The following C3 variants were observed in gnomAD, a reference collection of about 807,000 sequenced individuals.
C3 encodes C3 and PZP-like alpha-2-macroglobulin domain-containing protein 1.
A neutral mutation model predicts 207.9 loss-of-function variants in C3; 97 were observed. That is an observed-to-expected ratio of 0.47 (90% CI 0.40 to 0.55). C3 has a LOEUF of 0.55. C3 is among the 20% of genes least tolerant of loss of function. The probability of loss-of-function intolerance (pLI) is 0.00; values close to 1 mark genes in which losing one functional copy is unlikely to be tolerated. For synonymous variants in C3, 848 were observed against 857.6 expected, an observed-to-expected ratio of 0.99 and a Z score of 0.20; for missense variants, 1,684 against 2,171.7, an observed-to-expected ratio of 0.78 and a Z score of 4.46.
Position 6,696,408 on chromosome 19 carries a change from G to T in C3, c.2921C>A (p.Thr974Asn). The T allele has an allele frequency of 6.2e-7, 1 of 1,613,514 alleles. No individual in the cohort carries two copies. The highest frequency in any genetic ancestry group is 8.5e-7 in the Non-Finnish European group (1 of 1,179,700). ...CAGGAGAATTCTGGTCTCAGACTCG[G>T]TGTCCGGGACTTGGTCACTGAGGTC... Reference protein sequence around the residue: ...PADLSDQVPDTESETRILLQG... With the variant: ...PADLSDQVPDNESETRILLQG... Residue 974 changes from threonine to asparagine, a missense_variant, in exon 23 of 41, where the codon ACC (threonine) becomes AAC (asparagine). Around this residue, in one of 3 missense-constraint regions of C3, gnomAD observed 1,280 missense variants for 1,739.1 expected, o/e 0.74. Transcript: ENST00000245907.
intron 17 of C3, among the ~76,000 whole-genome samples, chr19:6,705,319 ATTTTC>A (rs763293414): frequency 1.4e-5 from 2 of 143,198 alleles, no homozygotes; most frequent in Admixed American, 6.9e-5. Flanking sequence ...TTTTCTTTTC[ATTTTC>A]TTTTCTTTTC....
chr19:6,692,531 G>A lies in C3; in HGVS notation c.3390+393C>T, dbSNP rs968621095. Among the ~76,000 whole-genome samples, 22 of 152,144 alleles carry A rather than the reference G, an allele frequency of 1.4e-4. 2 individuals are homozygous for A. Among genetic ancestry groups the A allele is most frequent in the Admixed American group, 8.5e-4 (13 of 15,264 alleles). Reference sequence around the variant, plus strand: ...ACAAGGTCTCCAAATAAGGAGGGGCGGGGAGAGTGTTGCTTGGACCAGGGG... The same window carrying A: ...ACAAGGTCTCCAAATAAGGAGGGGCAGGGAGAGTGTTGCTTGGACCAGGGG... On this transcript the variant is annotated intron_variant, in intron 26 of 40. Coordinates refer to ENST00000245907, the MANE Select transcript of C3 (RefSeq NM_000064.4).
intron 29 of C3, among the ~76,000 whole-genome samples, chr19:6,685,374 C>T (rs1917978338): frequency 6.6e-6 from 1 of 152,088 alleles, no homozygotes; most frequent in African/African-American, 2.4e-5. Flanking sequence ...GAGAACATGT[C>T]TAGAATCCAT....
At chr19:6,699,581 A>G (rs926673223) in intron 19 of C3, among the ~76,000 whole-genome samples, 1 of 152,076 alleles carries the variant, frequency 6.6e-6, no homozygotes, top group Admixed American at 6.6e-5. Context: ...CTACTAAAAA[A>G]AGAAAACTTA....
intron 17 of C3, among the ~76,000 whole-genome samples, chr19:6,703,838 C>T (rs1258311386): frequency 6.6e-6 from 1 of 152,068 alleles, no homozygotes; most frequent in Non-Finnish European, 1.5e-5. Flanking sequence ...ATCCCAGCTA[C>T]TCGGGAGGCT....
chr19:6,689,706 G>A (rs992379677), intron 27 of C3, among the ~76,000 whole-genome samples: 1 of 152,068 alleles, frequency 6.6e-6, no homozygotes, highest in African/African-American at 2.4e-5. Context: ...ATTAGGCTGG[G>A]TGCAGTGGCT....
At chr19:6,700,918 CCTT>C (rs1337766115) in intron 19 of C3, among the ~76,000 whole-genome samples, 1 of 150,496 alleles carries the variant, frequency 6.6e-6, no homozygotes, top group Non-Finnish European at 1.5e-5. Context: ...GAGTGAGACT[CCTT>C]CTCAAAAACA....
At chr19:6,686,350 G>T (rs1918009757) in intron 28 of C3, 63 bp from the exon 29 acceptor site, 2 of 1,566,402 alleles carry the variant, frequency 1.3e-6, no homozygotes, top group African/African-American at 1.4e-5. Flanking sequence ...ATGGCTCAGA[G>T]AAAGCTCAGA....
At chr19:6,690,951 C>T (rs557077387) in intron 26 of C3, among the ~76,000 whole-genome samples, 38 of 152,148 alleles carry the variant, frequency 2.5e-4, no homozygotes, top group African/African-American at 7.5e-4. Context: ...ATGGGTACAA[C>T]GGTCTGATCC....
chr19:6,715,627 TG>T (rs111608873), intron 4 of C3, among the ~76,000 whole-genome samples: 4,686 of 147,122 alleles, frequency 0.032, 187 homozygotes, highest in East Asian at 0.064. Flanking sequence ...TTGTTTTTTT[TG>T]TTTTTTTTTT....
chr19:6,707,809 G>A lies in C3; in HGVS notation c.1966C>T (p.Gln656Ter). 1 of 1,613,608 alleles carries A rather than the reference G, an allele frequency of 6.2e-7. No individual in the cohort carries two copies. Among genetic ancestry groups the A allele is most frequent in the Non-Finnish European group, 8.5e-7 (1 of 1,179,986 alleles). The change falls in exon 15 of 41, where the codon CAG becomes TAG. Residue 656 changes from glutamine (Q) to a stop codon, truncating the protein, a stop_gained. Coordinates refer to ENST00000245907, the MANE Select transcript of C3 (RefSeq NM_000064.4). LOFTEE classifies it high-confidence loss of function. ...FTSSSGQQTA[Q>*]RAELQCPQPA... Reference sequence around the variant, plus strand: ...CTGGTGGCGACCTCACCTGCCCTCTGGGCGGTCTGCTGGCCACTGCTGCTC... The same window carrying A: ...CTGGTGGCGACCTCACCTGCCCTCTAGGCGGTCTGCTGGCCACTGCTGCTC...
Position 6,678,433 on chromosome 19 carries a change from C to A in C3, c.4653G>T (p.Lys1551Asn), listed in dbSNP as rs144156850. Residue 1551 changes from lysine to asparagine, a missense_variant, in exon 39 of 41, where the codon AAG becomes AAT. By Grantham distance (94) the Lys-to-Asn change is moderately conservative. Coordinates refer to ENST00000245907, the MANE Select transcript of C3 (RefSeq NM_000064.4). ...CGTCAAAGTCATTGGACAGCTGAAC[C>A]TTGACCAGTCGGGTCTTGTACACTG... is the stretch of plus-strand genomic sequence containing the variant. ...VDYVYKTRLV[K>N]VQLSNDFDEY... 7 of 1,614,002 alleles carry A rather than the reference C, an allele frequency of 4.3e-6. No homozygotes were observed. The highest frequency in any genetic ancestry group is 5.9e-6 in the Non-Finnish European group (7 of 1,180,020).
At position 6,696,404 on chromosome 19, in the gene C3, C is replaced by T. The variant is rs781430891; in HGVS notation, c.2925G>A (p.Glu975=). ...ADLSDQVPDT[E]SETRILLQGT... ...CTTGCAGGAGAATTCTGGTCTCAGA[C>T]TCGGTGTCCGGGACTTGGTCACTGA... The change falls in exon 23 of 41, where the codon GAG becomes GAA. Residue 975 remains glutamate, a synonymous_variant. Transcript: ENST00000245907. 1.8e-5 allele frequency: 29 copies of T among 1,613,234 alleles called. 1 individual carries two copies. In the South Asian group the frequency reaches 3.1e-4, roughly 17 times the overall value.
intron 36 of C3, 79 bp from the exon 37 acceptor site, chr19:6,679,575 G>T: frequency 1.0e-6 from 1 of 959,476 alleles, no homozygotes; most frequent in Non-Finnish European, 1.7e-6. Flanking sequence ...CAGATCCCCA[G>T]TTCTCAGTCT....
intron 37 of C3, 54 bp from the exon 38 acceptor site, chr19:6,679,262 C>A: frequency 6.5e-7 from 1 of 1,535,480 alleles, no homozygotes; most frequent in African/African-American, 1.4e-5. Context: ...CTGGGGCCTA[C>A]TGCCCATGGG....
intron 12 of C3, 27 bp downstream of exon 12, chr19:6,710,960 G>C (rs576089842): frequency 6.2e-7 from 1 of 1,610,666 alleles, no homozygotes; most frequent in African/African-American, 1.3e-5. Context: ...AGGAGGCGGG[G>C]GCTGAGGTTT....
intron 24 of C3, 59 bp downstream of exon 24, chr19:6,694,372 G>A (rs1419840234): frequency 6.7e-7 from 1 of 1,489,878 alleles, no homozygotes; most frequent in Non-Finnish European, 9.4e-7. Flanking sequence ...TGGGATCTTA[G>A]GGGAGGGATG....
chr19:6,678,436 G>T lies in C3; in HGVS notation c.4650C>A (p.Val1550=). 2 of 1,614,096 alleles carry T rather than the reference G, an allele frequency of 1.2e-6. No homozygotes were observed. Among genetic ancestry groups the T allele is most frequent in the South Asian group, 1.1e-5 (1 of 91,052 alleles). Residue 1550 remains valine, a synonymous_variant, in exon 39 of 41, where the codon GTC becomes GTA. Coordinates refer to ENST00000245907, the MANE Select transcript of C3 (RefSeq NM_000064.4). ...CAAAGTCATTGGACAGCTGAACCTTGACCAGTCGGGTCTTGTACACTGTGG... is the reference window on the plus strand; with the variant it reads ...CAAAGTCATTGGACAGCTGAACCTTTACCAGTCGGGTCTTGTACACTGTGG... ...GVDYVYKTRL[V]KVQLSNDFDE... is the part of the protein sequence containing the mutation.
chr19:6,697,525 A>T lies in C3; in HGVS notation c.2615T>A (p.Phe872Tyr). 6.2e-7 allele frequency: 1 copy of T among 1,613,796 alleles called. No homozygotes were observed. Among genetic ancestry groups the T allele is most frequent in the Admixed American group, 1.7e-5 (1 of 59,990 alleles). Residue 872 changes from phenylalanine (F) to tyrosine (Y), a missense_variant, in exon 21 of 41, where the codon TTC becomes TAC. By Grantham distance (22) the Phe-to-Tyr change is conservative. Transcript: ENST00000245907. ...VRVELLHNPA[F>Y]CSLATTKRRH... Reference sequence around the variant, plus strand: ...CCTCTTGGTGGTGGCCAGGCTGCAGAAGGCTGGATTGTGGAGTAGTTCCAC... The same window carrying T: ...CCTCTTGGTGGTGGCCAGGCTGCAGTAGGCTGGATTGTGGAGTAGTTCCAC...
Sources: gnomAD v4.1 joint callset for allele counts (sites outside exome capture counted in the v4.1 genomes callset) on GRCh38, gnomAD v4.1.1 for gene constraint, gnomAD v4.1.1 regional missense constraint, MANE v1.5 for transcripts, NCBI Gene and HGNC (gene_info 2026-07-23, HGNC 2026-07-21) for gene names.